MAGI2: variants seen among roughly 807,000 people sequenced by gnomAD.
MAGI2 encodes the protein membrane associated guanylate kinase, WW and PDZ domain containing 2.
A neutral mutation model predicts 133.3 loss-of-function variants in MAGI2; 35 were observed. The ratio of observed to expected loss-of-function variants is 0.26; its 90% CI spans 0.20 to 0.35. The LOEUF is 0.35. MAGI2 is among the 10% of genes least tolerant of loss of function. The probability of loss-of-function intolerance (pLI) is 1.00; values close to 1 mark genes in which losing one functional copy is unlikely to be tolerated. For synonymous variants in MAGI2, 729 were observed against 710.6 expected, an observed-to-expected ratio of 1.03 and a Z score of -0.41; for missense variants, 1,636 against 1,863.4, an observed-to-expected ratio of 0.88 and a Z score of 2.25.
At chr7:79,106,622 C>T (rs533182158) in intron 1 of MAGI2, among the ~76,000 whole-genome samples, 3 of 152,020 alleles carry the variant, frequency 2.0e-5, no homozygotes, top group Non-Finnish European at 4.4e-5. Context: ...CCCAACAGTC[C>T]CTGAAACAAT....
At chr7:79,317,710 C>T (rs1838847290) in intron 1 of MAGI2, among the ~76,000 whole-genome samples, 1 of 152,176 alleles carries the variant, frequency 6.6e-6, no homozygotes, top group African/African-American at 2.4e-5. Context: ...TATATGGCCA[C>T]TGGCTCTCAT....
chr7:78,125,840 T>C lies in MAGI2; in HGVS notation c.3424-3A>G. On this transcript the variant is annotated splice_polypyrimidine_tract_variant and splice_region_variant and intron_variant, in intron 19 of 21. Coordinates refer to ENST00000354212, the MANE Select transcript of MAGI2 (RefSeq NM_012301.4). ...TCCACAGTGAAATAATCAAAATCCT[T>C]TGGGGTTGGGGAGAAAATGGAATAA... 1 of 1,613,642 alleles carries C rather than the reference T, an allele frequency of 6.2e-7. No individual in the cohort carries two copies. Among genetic ancestry groups the C allele is most frequent in the Non-Finnish European group, 8.5e-7 (1 of 1,179,784 alleles).
intron 2 of MAGI2, among the ~76,000 whole-genome samples, chr7:78,837,592 T>A (rs1264041928): frequency 6.6e-6 from 1 of 152,148 alleles, no homozygotes; most frequent in Admixed American, 6.6e-5. Flanking sequence ...ATAGCATATG[T>A]AATATTCTAA....
chr7:78,085,229 T>C (rs1204318809), intron 20 of MAGI2, among the ~76,000 whole-genome samples: 1 of 152,134 alleles, frequency 6.6e-6, no homozygotes, highest in Non-Finnish European at 1.5e-5. Context: ...TAGACAGTAA[T>C]CACTTAAACA....
chr7:79,019,986 T>C (rs920462756), intron 1 of MAGI2, among the ~76,000 whole-genome samples: 4 of 152,100 alleles, frequency 2.6e-5, no homozygotes, highest in Admixed American at 6.5e-5. Flanking sequence ...TTAGAACAGT[T>C]TGGAGAGCTC....
intron 19 of MAGI2, among the ~76,000 whole-genome samples, chr7:78,126,745 A>G (rs2150513281): frequency 6.6e-6 from 1 of 152,362 alleles, no homozygotes; most frequent in South Asian, 2.1e-4. Context: ...TCTTACGCAC[A>G]GGGGCTTGGC....
chr7:79,235,078 TG>T (rs1477512528), intron 1 of MAGI2, among the ~76,000 whole-genome samples: 1 of 151,690 alleles, frequency 6.6e-6, no homozygotes, highest in African/African-American at 2.4e-5. Context: ...GTGCCCCTGC[TG>T]GGGGGTGCCT....
chr7:79,051,735 T>C (rs1414644654), intron 1 of MAGI2, among the ~76,000 whole-genome samples: 1 of 152,208 alleles, frequency 6.6e-6, no homozygotes, highest in Non-Finnish European at 1.5e-5. Flanking sequence ...GGGGAGCTTT[T>C]AATGTCATGA....
chr7:79,363,453 TA>T (rs768630788), intron 1 of MAGI2, among the ~76,000 whole-genome samples: 76 of 149,030 alleles, frequency 5.1e-4, no homozygotes, highest in African/African-American at 1.4e-3. Context: ...TTTATAGATA[TA>T]AAAAAAAATC....
At chr7:78,995,405 G>T (rs1251054992) in intron 2 of MAGI2, among the ~76,000 whole-genome samples, 1 of 152,098 alleles carries the variant, frequency 6.6e-6, no homozygotes, top group East Asian at 1.9e-4. Flanking sequence ...TCTCCCATTA[G>T]ATATATTACA....
chr7:78,141,677 A>C (rs1181958995), intron 16 of MAGI2, among the ~76,000 whole-genome samples: 4 of 152,196 alleles, frequency 2.6e-5, no homozygotes, highest in Non-Finnish European at 5.9e-5. Flanking sequence ...TGGTGTTTTA[A>C]GGACTGCATA....
At chr7:78,330,778 T>G (rs1403668815) in intron 9 of MAGI2, among the ~76,000 whole-genome samples, 1 of 152,018 alleles carries the variant, frequency 6.6e-6, no homozygotes, top group Admixed American at 6.6e-5. Context: ...TATAGTCAGG[T>G]TGGGGAGGCA....
intron 1 of MAGI2, among the ~76,000 whole-genome samples, chr7:79,112,951 C>T (rs1160036340): frequency 3.3e-5 from 5 of 152,062 alleles, no homozygotes; most frequent in African/African-American, 9.7e-5. Context: ...TTATTTAGTA[C>T]ATGAACTTTA....
At chr7:78,890,552 T>C (rs1413432584) in intron 2 of MAGI2, among the ~76,000 whole-genome samples, 3 of 152,052 alleles carry the variant, frequency 2.0e-5, no homozygotes, top group African/African-American at 7.2e-5. Flanking sequence ...GCAATCAAAC[T>C]AGAACTCAGG....
chr7:78,698,822 G>A (rs1004416994), intron 2 of MAGI2, among the ~76,000 whole-genome samples: 15 of 152,182 alleles, frequency 9.9e-5, no homozygotes, highest in African/African-American at 3.6e-4. Flanking sequence ...GATCTCGTGA[G>A]AACTCACTAT....
Position 78,135,079 on chromosome 7 carries a change from G to A in MAGI2, c.2973C>T (p.Ile991=), listed in dbSNP as rs755558071. The change falls in exon 17 of 22, where the codon ATC becomes ATT. Residue 991 remains isoleucine, a synonymous_variant. Transcript: ENST00000354212. ...GACCTGCATCCTTGATGAGCTTCAC[G>A]ATGTCAGCGTGAGGCATGTTGATGA... ...QSIINMPHAD[I]VKLIKDAGLS... The A allele has an allele frequency of 3.7e-6, 6 of 1,614,164 alleles. No individual in the cohort carries two copies. The highest frequency in any genetic ancestry group is 8.5e-7 in the Non-Finnish European group (1 of 1,180,028).
chr7:78,093,182 G>C (rs1817391963), intron 20 of MAGI2, among the ~76,000 whole-genome samples: 1 of 150,278 alleles, frequency 6.7e-6, no homozygotes, highest in Non-Finnish European at 1.5e-5. Flanking sequence ...GGCAGGTGGG[G>C]CGTGGTGGCT....
rs540975103 is a variant in MAGI2 at position 78,576,192 on chromosome 7, CT to C, written c.538+50927del. 5.1e-3 allele frequency among the ~76,000 whole-genome samples: 748 copies of C among 146,338 alleles called. 2 individuals are homozygous for C. The highest frequency in any genetic ancestry group is 0.014 in the African/African-American group (556 of 40,010). On this transcript the variant is annotated intron_variant, in intron 3 of 21. Transcript: ENST00000354212. Reference sequence around the variant, plus strand: ...AACAACAACAAACCTCTCTATAATGCTTTTTTTTTTTCTTGTTTTGTCACAG... The same window carrying C: ...AACAACAACAAACCTCTCTATAATGCTTTTTTTTTTCTTGTTTTGTCACAG...
At chr7:78,709,794 C>G (rs1818996584) in intron 2 of MAGI2, among the ~76,000 whole-genome samples, 1 of 152,142 alleles carries the variant, frequency 6.6e-6, no homozygotes, top group Admixed American at 6.6e-5. Context: ...TGGCTCCTGG[C>G]ATTTACACAT....
Sources: gnomAD v4.1 joint callset for allele counts (sites outside exome capture counted in the v4.1 genomes callset) on GRCh38, gnomAD v4.1.1 for gene constraint, MANE v1.5 for transcripts, NCBI Gene and HGNC (gene_info 2026-07-23, HGNC 2026-07-21) for gene names.